Variants in B3GALT1 observed in about 807,000 individuals in gnomAD.
B3GALT1 encodes the protein beta-1,3-galactosyltransferase 1.
B3GALT1 carries 10 observed loss-of-function variants against 23.2 expected under a neutral mutation model. The observed-to-expected ratio is 0.43, with a 90% confidence interval of 0.27 to 0.73. The LOEUF (loss-of-function observed/expected upper bound fraction) is 0.73. B3GALT1 is among the 30% of genes least tolerant of loss of function. The pLI is 0.21. For missense variants in B3GALT1, 299 were observed against 405.4 expected (o/e 0.74, Z 2.25); for synonymous variants, 156 against 141.5 (o/e 1.10, Z -0.73).
intron 1 of B3GALT1, among the ~76,000 whole-genome samples, chr2:167,488,128 G>C (rs528604221): frequency 6.6e-6 from 1 of 152,114 alleles, no homozygotes; most frequent in Non-Finnish European, 1.5e-5. Flanking sequence ...GCATATATAG[G>C]GTTGGTTTAA....
chr2:167,341,618 C>G (rs183881570), intron 1 of B3GALT1, among the ~76,000 whole-genome samples: 1,906 of 152,118 alleles, frequency 0.013, 18 homozygotes, highest in Non-Finnish European at 0.019. Flanking sequence ...GCCGAGATCA[C>G]ACCACTGCAC....
chr2:167,756,656 G>T (rs1394666868), intron 3 of B3GALT1, among the ~76,000 whole-genome samples: 1 of 152,176 alleles, frequency 6.6e-6, no homozygotes, highest in Non-Finnish European at 1.5e-5. Context: ...TCCGGGGGTG[G>T]ATAATTCATC....
chr2:167,376,485 T>G (rs1662104366), intron 1 of B3GALT1, among the ~76,000 whole-genome samples: 1 of 152,068 alleles, frequency 6.6e-6, no homozygotes, highest in Admixed American at 6.6e-5. Context: ...CTTTCTTGGG[T>G]TGGTAGGTTT....
At chr2:167,607,288 CTCAG>C (rs1684981169) in intron 2 of B3GALT1, among the ~76,000 whole-genome samples, 1 of 152,046 alleles carries the variant, frequency 6.6e-6, no homozygotes, top group Non-Finnish European at 1.5e-5. Flanking sequence ...TCCTTTTTTG[CTCAG>C]TCATAGTTCA....
At chr2:167,590,943 A>G (rs1054144824) in intron 2 of B3GALT1, among the ~76,000 whole-genome samples, 3 of 152,146 alleles carry the variant, frequency 2.0e-5, no homozygotes, top group Admixed American at 6.5e-5. Context: ...CTGGCCAGGC[A>G]TTTATTCATT....
chr2:167,780,253 A>G lies in B3GALT1; in HGVS notation c.-351-38419A>G, dbSNP rs184501148. ...TATGGAAGGTATTGCATTGCACACA[A>G]TGTTTTAGATTGGAGCTTCCAAGCT... On this transcript the variant is annotated intron_variant, in intron 3 of 4. Transcript: ENST00000392690. Among the ~76,000 whole-genome samples, 81 of 152,334 alleles carry G rather than the reference A, an allele frequency of 5.3e-4. 2 individuals are homozygous for G. Among genetic ancestry groups the G allele is most frequent in the Admixed American group, 4.5e-3 (69 of 15,290 alleles).
chr2:167,798,687 C>T (rs1006312543), intron 3 of B3GALT1, among the ~76,000 whole-genome samples: 6 of 152,158 alleles, frequency 3.9e-5, no homozygotes, highest in East Asian at 1.9e-4. Context: ...TTACTGTAGC[C>T]GTGTAGTATA....
chr2:167,378,583 G>C (rs1222634480), intron 1 of B3GALT1, among the ~76,000 whole-genome samples: 3 of 151,872 alleles, frequency 2.0e-5, no homozygotes, highest in Non-Finnish European at 4.4e-5. Context: ...TTCAGGCTCT[G>C]AAATTCTTTC....
intron 1 of B3GALT1, among the ~76,000 whole-genome samples, chr2:167,340,548 A>G (rs1697131762): frequency 6.6e-6 from 1 of 152,206 alleles, no homozygotes; most frequent in Admixed American, 6.5e-5. Context: ...AACGATTTCC[A>G]AGGAAAATCA....
At chr2:167,303,133 T>C (rs1374458278) in intron 1 of B3GALT1, among the ~76,000 whole-genome samples, 1 of 152,234 alleles carries the variant, frequency 6.6e-6, no homozygotes, top group Non-Finnish European at 1.5e-5. Flanking sequence ...GGTTGCCTTG[T>C]AGCCATTGCC....
chr2:167,406,577 G>A (rs1523889), intron 1 of B3GALT1, among the ~76,000 whole-genome samples: 143,827 of 152,200 alleles, frequency 0.94, 68,233 homozygotes, highest in Non-Finnish European at 0.99. Flanking sequence ...GAGATGGTCA[G>A]CCGGCTTCCC....
At chr2:167,328,699 T>C (rs1696930561) in intron 1 of B3GALT1, among the ~76,000 whole-genome samples, 1 of 152,178 alleles carries the variant, frequency 6.6e-6, no homozygotes, top group Non-Finnish European at 1.5e-5. Flanking sequence ...TCTATTTTGT[T>C]TAGTACTCCT....
intron 3 of B3GALT1, among the ~76,000 whole-genome samples, chr2:167,752,712 G>A (rs867161538): frequency 2.0e-5 from 3 of 151,678 alleles, no homozygotes; most frequent in Non-Finnish European, 2.9e-5. Flanking sequence ...ACAAAGCTCC[G>A]AAAAGGAAAA....
intron 1 of B3GALT1, among the ~76,000 whole-genome samples, chr2:167,385,623 G>C (rs1697916940): frequency 6.6e-6 from 1 of 152,162 alleles, no homozygotes; most frequent in Non-Finnish European, 1.5e-5. Context: ...AGGCAGCTGA[G>C]GGGCAGAGGG....
chr2:167,620,032 T>G (rs1685228518), intron 2 of B3GALT1, among the ~76,000 whole-genome samples: 1 of 152,078 alleles, frequency 6.6e-6, no homozygotes, highest in South Asian at 2.1e-4. Context: ...GGCACCTACT[T>G]TAAAGTGGAT....
At chr2:167,830,723 G>A (rs749862222) in intron 4 of B3GALT1, among the ~76,000 whole-genome samples, 11 of 152,204 alleles carry the variant, frequency 7.2e-5, no homozygotes, top group South Asian at 2.1e-4. Flanking sequence ...TCCTTAACCC[G>A]TGTTTTCACA....
chr2:167,861,539 C>T (rs117504673), intron 4 of B3GALT1, among the ~76,000 whole-genome samples: 6,989 of 152,034 alleles, frequency 0.046, 182 homozygotes, highest in South Asian at 0.077. Context: ...TAGCATGAAT[C>T]AAAAAAAGCC....
At position 167,627,822 on chromosome 2, in the gene B3GALT1, A is replaced by C. The variant is rs570460578; in HGVS notation, c.-409-19087A>C. Among the ~76,000 whole-genome samples, 110 of 151,824 alleles carry C rather than the reference A, an allele frequency of 7.2e-4. 1 individual carries two copies. Among genetic ancestry groups the C allele is most frequent in the African/African-American group, 2.4e-3 (101 of 41,526 alleles). ...TATGTGAAAGTTCTAGTTGTTCTAC[A>C]TCCTTGCCAGCATTTGCTATTGTCA... is the stretch of plus-strand genomic sequence containing the variant. On this transcript the variant is annotated intron_variant, in intron 2 of 4. Coordinates refer to ENST00000392690, the MANE Select transcript of B3GALT1 (RefSeq NM_020981.4).
chr2:167,826,347 CAGTG>C (rs1689225460), intron 4 of B3GALT1, among the ~76,000 whole-genome samples: 1 of 152,120 alleles, frequency 6.6e-6, no homozygotes, highest in Non-Finnish European at 1.5e-5. Context: ...GGACAGGGAC[CAGTG>C]TCATTTGGTC....
Sources: allele counts gnomAD v4.1 joint callset (sites outside exome capture counted in the v4.1 genomes callset), GRCh38; gene constraint gnomAD v4.1.1; transcripts MANE v1.5; gene names NCBI Gene and HGNC (gene_info 2026-07-23, HGNC 2026-07-21).